The following TAS2R1 variants were observed in gnomAD, a reference collection of about 807,000 sequenced individuals.
The protein encoded by TAS2R1 is taste 2 receptor member 1.
For synonymous variants in TAS2R1, 141 were observed against 134.2 expected (o/e 1.05, Z -0.35); for missense variants, 370 against 353.4 (o/e 1.05, Z -0.38).
the TAS2R1 span, among the ~76,000 whole-genome samples, chr5:9,885,283 T>G: frequency 6.6e-6 from 1 of 152,214 alleles, no homozygotes; most frequent in Admixed American, 6.5e-5. Flanking sequence ...TCTTTATTAA[T>G]GGAAAGTTAA....
chr5:9,729,161 C>G, the TAS2R1 span, among the ~76,000 whole-genome samples: 1 of 152,216 alleles, frequency 6.6e-6, no homozygotes, highest in Non-Finnish European at 1.5e-5. Flanking sequence ...ACAGCCCAGG[C>G]TGGCCACAAT....
chr5:9,824,014 C>T, the TAS2R1 span, among the ~76,000 whole-genome samples: 4 of 152,162 alleles, frequency 2.6e-5, no homozygotes, highest in Non-Finnish European at 5.9e-5. Flanking sequence ...AAGTGTTGCC[C>T]GCCTGCCTCC....
intron 1 of TAS2R1, among the ~76,000 whole-genome samples, chr5:9,687,963 G>A (rs909181289): frequency 3.3e-5 from 5 of 152,216 alleles, no homozygotes; most frequent in African/African-American, 1.2e-4. Context: ...AAATGTGCCT[G>A]CCTTTTCTCC....
the TAS2R1 span, among the ~76,000 whole-genome samples, chr5:9,743,728 C>T: frequency 6.6e-6 from 1 of 152,090 alleles, no homozygotes; most frequent in Non-Finnish European, 1.5e-5. Flanking sequence ...TTGCTTCCAG[C>T]AGATCTTAAG....
the TAS2R1 span, among the ~76,000 whole-genome samples, chr5:9,752,938 C>T: frequency 6.6e-6 from 1 of 152,160 alleles, no homozygotes; most frequent in East Asian, 1.9e-4. Context: ...TTTCTTAATC[C>T]AGTCTATCAC....
At chr5:9,829,833 C>A in the TAS2R1 span, among the ~76,000 whole-genome samples, 1 of 151,874 alleles carries the variant, frequency 6.6e-6, no homozygotes, top group African/African-American at 2.4e-5. Flanking sequence ...AGGCAGTGTA[C>A]CCCAAGCGAA....
chr5:9,776,772 T>C, the TAS2R1 span, among the ~76,000 whole-genome samples: 1 of 152,180 alleles, frequency 6.6e-6, no homozygotes, highest in African/African-American at 2.4e-5. Flanking sequence ...CTTACAGTCG[T>C]CTATGTTGAC....
chr5:9,765,140 G>A, the TAS2R1 span, among the ~76,000 whole-genome samples: 1 of 151,996 alleles, frequency 6.6e-6, no homozygotes, highest in African/African-American at 2.4e-5. Context: ...GTCTCTAGGA[G>A]GCAGAAACAA....
At chr5:9,805,010 A>G in the TAS2R1 span, among the ~76,000 whole-genome samples, 1 of 152,064 alleles carries the variant, frequency 6.6e-6, no homozygotes, top group Non-Finnish European at 1.5e-5. Context: ...GATAAACAAA[A>G]AAAAGAAGAC....
chr5:9,833,154 A>G, the TAS2R1 span, among the ~76,000 whole-genome samples: 9,107 of 152,244 alleles, frequency 0.06, 645 homozygotes, highest in East Asian at 0.23. Flanking sequence ...GGGCAGAGAA[A>G]GCAGCCAGGT....
intron 2 of TAS2R1, among the ~76,000 whole-genome samples, chr5:9,655,247 T>C (rs1197158090): frequency 6.6e-6 from 1 of 152,212 alleles, no homozygotes; most frequent in Admixed American, 6.5e-5. Flanking sequence ...ACATGAGGCA[T>C]GTATTTTCCA....
At chr5:9,701,947 A>G (rs919755096) in intron 1 of TAS2R1, among the ~76,000 whole-genome samples, 2 of 152,230 alleles carry the variant, frequency 1.3e-5, no homozygotes, top group East Asian at 1.9e-4. Context: ...TGTGATGTAC[A>G]GGGGCAAAAC....
the TAS2R1 span, among the ~76,000 whole-genome samples, chr5:9,790,900 A>G: frequency 1.3e-5 from 2 of 152,148 alleles, no homozygotes; most frequent in African/African-American, 4.8e-5. Flanking sequence ...TCTGCCTCTC[A>G]AAGTGCTGGG....
chr5:9,843,558 G>A, the TAS2R1 span, among the ~76,000 whole-genome samples: 1 of 152,334 alleles, frequency 6.6e-6, no homozygotes, highest in African/African-American at 2.4e-5. Flanking sequence ...ATAGCAAGGT[G>A]CCACACATTT....
the TAS2R1 span, among the ~76,000 whole-genome samples, chr5:9,802,323 A>C: frequency 1.7e-4 from 26 of 152,268 alleles, no homozygotes; most frequent in Middle Eastern, 3.4e-3. Flanking sequence ...CCAGAAAAGC[A>C]AAAACAATCA....
chr5:9,797,546 C>G, the TAS2R1 span, among the ~76,000 whole-genome samples: 1 of 152,158 alleles, frequency 6.6e-6, no homozygotes, highest in African/African-American at 2.4e-5. Flanking sequence ...ATAAAAATAT[C>G]TCCTACCCAG....
At chr5:9,859,319 A>T in the TAS2R1 span, among the ~76,000 whole-genome samples, 1 of 152,242 alleles carries the variant, frequency 6.6e-6, no homozygotes, top group Non-Finnish European at 1.5e-5. Context: ...TTTAGATGTT[A>T]GTCTGCAGAA....
chr5:9,833,543 AAGCTGGAAGAC>A, the TAS2R1 span, among the ~76,000 whole-genome samples: 4 of 152,328 alleles, frequency 2.6e-5, no homozygotes, highest in South Asian at 8.3e-4. Context: ...GGATAAATGC[AAGCTGGAAGAC>A]AGCTGGGTGA....
the TAS2R1 span, among the ~76,000 whole-genome samples, chr5:9,737,526 T>A: frequency 1.3e-5 from 2 of 152,210 alleles, no homozygotes; most frequent in Admixed American, 6.5e-5. Context: ...ACCGACTCTC[T>A]GTCTTCCCCT....
Sources: allele counts gnomAD v4.1 joint callset (sites outside exome capture counted in the v4.1 genomes callset), GRCh38; gene constraint gnomAD v4.1.1; transcripts MANE v1.5; gene names NCBI Gene and HGNC (gene_info 2026-07-23, HGNC 2026-07-21).